CCDC82: variants seen among roughly 807,000 people sequenced by gnomAD.
The protein encoded by CCDC82 is coiled-coil domain-containing protein 82.
Under a neutral mutation model 60.6 loss-of-function variants are expected in CCDC82, and 47 were observed. That is an observed-to-expected ratio of 0.77 (90% CI 0.61 to 0.99). The LOEUF (loss-of-function observed/expected upper bound fraction) is 0.99, where lower values mean the gene tolerates loss of function less well. Among genes scored for constraint, CCDC82 ranks in the 50% least tolerant of loss-of-function variants. The pLI, the probability that CCDC82 is intolerant of heterozygous loss-of-function variation, is 0.00. For missense variants in CCDC82, 588 were observed against 633.0 expected (o/e 0.93, Z 0.76); for synonymous variants, 212 against 207.4 (o/e 1.02, Z -0.19).
chr11:96,388,227 T>G (rs927945671), intron 1 of CCDC82: 1 of 152,204 alleles, frequency 6.6e-6, no homozygotes, highest in Non-Finnish European at 1.5e-5. Flanking sequence ...AAGAGAAATG[T>G]GAAGGAAAGC....
At chr11:96,357,487 T>C in intron 9 of CCDC82, 1 of 985,304 alleles carries the variant, frequency 1.0e-6, no homozygotes, top group Non-Finnish European at 1.2e-6. Flanking sequence ...GTGTTATGCA[T>C]AAAGAATAAC....
intron 7 of CCDC82, among the ~76,000 whole-genome samples, chr11:96,368,716 A>T (rs1173064687): frequency 6.6e-6 from 1 of 151,982 alleles, no homozygotes; most frequent in Non-Finnish European, 1.5e-5. Context: ...AATACAAAAA[A>T]TCAGCCAGGC....
At position 96,353,602 on chromosome 11, in the gene CCDC82, TCA is replaced by T. The variant is rs754855946; in HGVS notation, c.*42_*43del. 2 of 1,348,800 alleles carry T rather than the reference TCA, an allele frequency of 1.5e-6. No individual in the cohort carries two copies. The highest frequency in any genetic ancestry group is 2.9e-5 in the African/African-American group (2 of 69,550). The allele number at this position is 1,348,800 out of a possible 1,614,324, so 83.6% of individuals were successfully genotyped here. On this transcript the variant is annotated 3_prime_UTR_variant, in exon 10 of 10. Coordinates refer to ENST00000646818, the MANE Select transcript of CCDC82 (RefSeq NM_024725.4). The stretch of plus-strand genomic sequence containing the variant: ...TACAGAAAAACAAGAATCATGATCT[TCA>T]CATTTACAGGAATTTAAAAAATCTT...
At chr11:96,357,142 A>G in intron 9 of CCDC82, 1 of 985,484 alleles carries the variant, frequency 1.0e-6, no homozygotes, top group Non-Finnish European at 1.2e-6. Context: ...AGACAGAGTG[A>G]GGATGGGAAA....
chr11:96,356,890 G>A, intron 9 of CCDC82: 10 of 985,356 alleles, frequency 1.0e-5, no homozygotes, highest in Non-Finnish European at 1.2e-5. Context: ...GAAAAAGTAA[G>A]GTGTGGAATA....
intron 1 of CCDC82, chr11:96,388,426 A>G (rs1010703745): frequency 1.3e-5 from 2 of 152,234 alleles, no homozygotes; most frequent in East Asian, 3.8e-4. Context: ...AGAAAGCATT[A>G]AATAAGTGAA....
chr11:96,371,268 C>A (rs767260306), intron 6 of CCDC82, 131 bp from the exon 7 acceptor site: 16 of 604,156 alleles, frequency 2.6e-5, no homozygotes, highest in Non-Finnish European at 3.8e-5. Flanking sequence ...TTTAAAAAAT[C>A]ATTCCATCAG....
At chr11:96,368,147 T>C (rs1235726171) in intron 7 of CCDC82, among the ~76,000 whole-genome samples, 3 of 152,054 alleles carry the variant, frequency 2.0e-5, no homozygotes, top group Non-Finnish European at 4.4e-5. Context: ...ATAATAAAAC[T>C]TGAAAGTCAA....
At chr11:96,383,230 A>C (rs1286454409) in intron 5 of CCDC82, 39 bp downstream of exon 5, 1 of 1,133,512 alleles carries the variant, frequency 8.8e-7, no homozygotes, top group East Asian at 2.4e-5. Context: ...AAATATCATG[A>C]GAACAATTCA....
intron 8 of CCDC82, chr11:96,363,959 T>A (rs972436969): frequency 1.3e-5 from 2 of 152,164 alleles, no homozygotes; most frequent in Admixed American, 6.5e-5. Context: ...TTCAGTTTAT[T>A]GTTTTTTTAA....
intron 7 of CCDC82, among the ~76,000 whole-genome samples, chr11:96,369,927 T>G (rs1429171670): frequency 1.3e-5 from 2 of 152,216 alleles, no homozygotes; most frequent in Non-Finnish European, 2.9e-5. Context: ...GTACTTTATC[T>G]TCAAAGAAAA....
At position 96,384,719 on chromosome 11, in the gene CCDC82, C is replaced by T. The variant is rs1161249923; in HGVS notation, c.29G>A (p.Arg10Lys). Residue 10 changes from arginine to lysine, a missense_variant, in exon 4 of 10, where the codon AGG becomes AAG. Arg to Lys is a conservative substitution (Grantham distance 26). Transcript: ENST00000646818. ...AGGCACGTGACTCTTAGAATTTCTC[C>T]TTGTTTCATGTCTTCTAACATGTAT... Reference protein sequence around the residue: MIHVRRHETRRNSKSHVPEQ... With the variant: MIHVRRHETKRNSKSHVPEQ... The T allele has an allele frequency of 6.2e-7, 1 of 1,608,008 alleles. No homozygotes were observed. The highest frequency in any genetic ancestry group is 1.7e-4 in the Middle Eastern group (1 of 6,032).
chr11:96,376,581 C>T (rs565727123), intron 5 of CCDC82, among the ~76,000 whole-genome samples: 1 of 152,006 alleles, frequency 6.6e-6, no homozygotes, highest in South Asian at 2.1e-4. Flanking sequence ...GCGCCCGCCA[C>T]CATGCCTGGC....
At chr11:96,368,398 T>C (rs1037916427) in intron 7 of CCDC82, among the ~76,000 whole-genome samples, 1 of 152,146 alleles carries the variant, frequency 6.6e-6, no homozygotes. Flanking sequence ...GTTCCATTTA[T>C]AGAGCACAAA....
intron 8 of CCDC82, among the ~76,000 whole-genome samples, chr11:96,360,943 G>T (rs1353748228): frequency 6.6e-6 from 1 of 152,132 alleles, no homozygotes; most frequent in Non-Finnish European, 1.5e-5. Context: ...TTTGTTCATG[G>T]CTCCGTAAAA....
At chr11:96,359,819 C>A (rs1011198030) in intron 8 of CCDC82, among the ~76,000 whole-genome samples, 12 of 151,112 alleles carry the variant, frequency 7.9e-5, no homozygotes, top group South Asian at 6.2e-4. Context: ...TTTTCCCCCC[C>A]CAAAAAAAAT....
intron 3 of CCDC82, 101 bp from the exon 4 acceptor site, chr11:96,384,862 C>T (rs1866104964): frequency 1.5e-6 from 1 of 679,458 alleles, no homozygotes; most frequent in Non-Finnish European, 2.3e-6. Context: ...ATTTAATGGT[C>T]CACAAACACA....
intron 3 of CCDC82, 67 bp from the exon 4 acceptor site, chr11:96,384,828 T>C (rs916986524): frequency 1.1e-6 from 1 of 937,996 alleles, no homozygotes; most frequent in Non-Finnish European, 1.5e-6. Flanking sequence ...GCATTTATGG[T>C]ATAAATTATA....
Position 96,371,147 on chromosome 11 carries a change from G to C in CCDC82, c.1085-10C>G. On this transcript the variant is annotated splice_polypyrimidine_tract_variant and intron_variant, in intron 6 of 9. Coordinates refer to ENST00000646818, the MANE Select transcript of CCDC82 (RefSeq NM_024725.4). The stretch of plus-strand genomic sequence containing the variant: ...TTTTGCCTTGTGCCATCTGTTCAGG[G>C]GATAAACAACAAAAAAAATCATTTT... 1 of 1,511,462 alleles carries C rather than the reference G, an allele frequency of 6.6e-7. No individual in the cohort carries two copies. Among genetic ancestry groups the C allele is most frequent in the Non-Finnish European group, 8.8e-7 (1 of 1,131,238 alleles). The allele number at this position is 1,511,462 out of a possible 1,614,324, so 93.6% of individuals were successfully genotyped here. A position where few individuals can be genotyped will look rare whatever the true frequency, so the allele number is the denominator to read the frequency against.
Sources: gnomAD v4.1 joint callset for allele counts (sites outside exome capture counted in the v4.1 genomes callset) on GRCh38, gnomAD v4.1.1 for gene constraint, MANE v1.5 for transcripts, NCBI Gene and HGNC (gene_info 2026-07-23, HGNC 2026-07-21) for gene names.